ATXN1: variants seen among roughly 807,000 people sequenced by gnomAD.
ATXN1 encodes ataxin-1.
A neutral mutation model predicts 56.4 loss-of-function variants in ATXN1; 8 were observed. The ratio of observed to expected loss-of-function variants is 0.14; its 90% CI spans 0.08 to 0.26. ATXN1 has a LOEUF of 0.26. Ranked by LOEUF, ATXN1 falls within the 10% of genes least tolerant of loss-of-function variation. The probability of loss-of-function intolerance (pLI) is 1.00; values close to 1 mark genes in which losing one functional copy is unlikely to be tolerated. For synonymous variants in ATXN1, 514 were observed against 494.6 expected (o/e 1.04, Z -0.52); for missense variants, 987 against 1,106.5 (o/e 0.89, Z 1.53).
At chr6:16,315,814 C>T (rs112203139) in intron 7 of ATXN1, among the ~76,000 whole-genome samples, 3,423 of 152,166 alleles carry the variant, frequency 0.022, 111 homozygotes, top group African/African-American at 0.076. Context: ...ATGCATGCAC[C>T]ACCATGTCCA....
intron 2 of ATXN1, among the ~76,000 whole-genome samples, chr6:16,743,670 G>A (rs895947310): frequency 6.6e-6 from 1 of 152,188 alleles, no homozygotes; most frequent in African/African-American, 2.4e-5. Flanking sequence ...TGGGAACCCA[G>A]AAAAGGTAGC....
intron 4 of ATXN1, among the ~76,000 whole-genome samples, chr6:16,553,787 T>C (rs1030664333): frequency 6.6e-6 from 1 of 152,170 alleles, no homozygotes; most frequent in Non-Finnish European, 1.5e-5. Flanking sequence ...ACTAGGAATG[T>C]GTCACGCCCC....
chr6:16,496,378 G>A (rs573361326), intron 5 of ATXN1, among the ~76,000 whole-genome samples: 1 of 152,248 alleles, frequency 6.6e-6, no homozygotes, highest in South Asian at 2.1e-4. Context: ...ACGCAGGGCC[G>A]GGTAAGTAAC....
At chr6:16,473,993 C>T (rs957544888) in intron 6 of ATXN1, among the ~76,000 whole-genome samples, 1 of 152,184 alleles carries the variant, frequency 6.6e-6, no homozygotes, top group Non-Finnish European at 1.5e-5. Context: ...TGCTTAAACT[C>T]TTTCAATGAC....
At chr6:16,753,662 T>TAC (rs1218936425) in intron 1 of ATXN1, among the ~76,000 whole-genome samples, 3 of 152,210 alleles carry the variant, frequency 2.0e-5, no homozygotes, top group Non-Finnish European at 4.4e-5. Context: ...AATCATCTGA[T>TAC]AAACACATGC....
intron 7 of ATXN1, among the ~76,000 whole-genome samples, chr6:16,316,506 G>A (rs954819028): frequency 1.3e-5 from 2 of 152,132 alleles, no homozygotes; most frequent in African/African-American, 4.8e-5. Flanking sequence ...CACCACTTTG[G>A]GAGGCAGAGG....
Position 16,327,283 on chromosome 6 carries a change from C to A in ATXN1, c.1028G>T (p.Gly343Val). The A allele has an allele frequency of 6.2e-7, 1 of 1,613,360 alleles. No homozygotes were observed. ...RYGAPSSADL[G>V]LGKAGGKSVP... is the part of the protein sequence containing the mutation. Reference sequence around the variant, plus strand: ...CGACTTGCCGCCTGCCTTGCCCAGGCCCAGGTCGGCTGAGGACGGGGCCCC... The same window carrying A: ...CGACTTGCCGCCTGCCTTGCCCAGGACCAGGTCGGCTGAGGACGGGGCCCC... Residue 343 changes from glycine (G) to valine (V), a missense_variant, in exon 7 of 8, where the codon GGC becomes GTC. Coordinates refer to ENST00000436367, the MANE Select transcript of ATXN1 (RefSeq NM_001128164.2).
intron 2 of ATXN1, chr6:16,666,692 G>A: frequency 6.6e-6 from 1 of 152,154 alleles, no homozygotes. Flanking sequence ...TTATAGTAGA[G>A]ACGGAGTTTC....
intron 6 of ATXN1, among the ~76,000 whole-genome samples, chr6:16,337,352 C>T (rs1488694597): frequency 1.3e-5 from 2 of 152,186 alleles, no homozygotes; most frequent in African/African-American, 2.4e-5. Flanking sequence ...GGCACATGTC[C>T]GTGAGAGCTG....
At chr6:16,671,094 A>G (rs986487026) in intron 2 of ATXN1, among the ~76,000 whole-genome samples, 1 of 152,218 alleles carries the variant, frequency 6.6e-6, no homozygotes, top group African/African-American at 2.4e-5. Flanking sequence ...ACATTTCTAA[A>G]CAAGTGAAAA....
At chr6:16,347,420 A>T in intron 6 of ATXN1, among the ~76,000 whole-genome samples, 1 of 152,204 alleles carries the variant, frequency 6.6e-6, no homozygotes, top group Admixed American at 6.5e-5. Context: ...TGTCTAGCTC[A>T]GGGTTTGTGA....
At chr6:16,494,802 T>C (rs530900128) in intron 5 of ATXN1, among the ~76,000 whole-genome samples, 6 of 152,368 alleles carry the variant, frequency 3.9e-5, no homozygotes, top group South Asian at 2.1e-4. Context: ...CAAGATGTCA[T>C]GTGCTCCTAT....
intron 5 of ATXN1, among the ~76,000 whole-genome samples, chr6:16,503,478 A>G (rs1032446167): frequency 3.3e-5 from 5 of 152,116 alleles, no homozygotes; most frequent in African/African-American, 1.2e-4. Flanking sequence ...CTTTATGTCC[A>G]TCTTCTCTTT....
intron 4 of ATXN1, among the ~76,000 whole-genome samples, chr6:16,529,045 G>C (rs572676391): frequency 6.6e-6 from 1 of 152,090 alleles, no homozygotes; most frequent in East Asian, 1.9e-4. Flanking sequence ...TGGGCATGGC[G>C]GTGTGTGCCT....
chr6:16,310,424 T>C (rs1406408383), intron 7 of ATXN1, among the ~76,000 whole-genome samples: 2 of 152,202 alleles, frequency 1.3e-5, no homozygotes, highest in African/African-American at 4.8e-5. Flanking sequence ...AAATGGTAGA[T>C]ACATGGTGAA....
chr6:16,671,486 T>TA (rs1758541479), intron 2 of ATXN1, among the ~76,000 whole-genome samples: 1 of 152,162 alleles, frequency 6.6e-6, no homozygotes, highest in Non-Finnish European at 1.5e-5. Context: ...ATTTCTGAAG[T>TA]GAAACTAATC....
chr6:16,598,964 C>T (rs1762865976), intron 3 of ATXN1, among the ~76,000 whole-genome samples: 2 of 152,212 alleles, frequency 1.3e-5, no homozygotes, highest in African/African-American at 2.4e-5. Context: ...ACCCCAAGGG[C>T]ACCTGCAAGG....
intron 6 of ATXN1, among the ~76,000 whole-genome samples, chr6:16,468,601 G>C (rs1428312082): frequency 6.6e-6 from 1 of 152,206 alleles, no homozygotes; most frequent in Non-Finnish European, 1.5e-5. Flanking sequence ...CAGTAAGCGA[G>C]TATATGCTAT....
chr6:16,489,385 T>C (rs1051670725), intron 5 of ATXN1, among the ~76,000 whole-genome samples: 3 of 152,180 alleles, frequency 2.0e-5, no homozygotes, highest in Non-Finnish European at 4.4e-5. Context: ...CATCATCATG[T>C]GTCAGCCCTC....
Sources: allele counts gnomAD v4.1 joint callset (sites outside exome capture counted in the v4.1 genomes callset), GRCh38; gene constraint gnomAD v4.1.1; transcripts MANE v1.5; gene names NCBI Gene and HGNC (gene_info 2026-07-23, HGNC 2026-07-21).